The following WWOX variants were observed in gnomAD, a reference collection of about 807,000 sequenced individuals.
WWOX encodes the protein WW domain-containing oxidoreductase.
WWOX carries 69 observed loss-of-function variants against 46.2 expected under a neutral mutation model. The observed-to-expected ratio is 1.49, with a 90% CI of 1.23 to 1.82. The LOEUF is 1.82. Among genes scored for constraint, WWOX ranks in the 40% most tolerant of loss-of-function variants. The pLI is 0.00. For synonymous variants in WWOX, 359 were observed against 202.6 expected, an observed-to-expected ratio of 1.77 and a Z score of -6.56; for missense variants, 919 against 542.6, an observed-to-expected ratio of 1.69 and a Z score of -6.89.
At chr16:78,781,687 A>G (rs1330708643) in intron 8 of WWOX, among the ~76,000 whole-genome samples, 1 of 152,150 alleles carries the variant, frequency 6.6e-6, no homozygotes, top group Non-Finnish European at 1.5e-5. Flanking sequence ...AAGCAAGAGA[A>G]TCGCCTGAAC....
intron 8 of WWOX, among the ~76,000 whole-genome samples, chr16:79,010,096 C>G (rs1268819942): frequency 1.3e-5 from 2 of 152,148 alleles, no homozygotes; most frequent in East Asian, 3.9e-4. Flanking sequence ...CCACCATGTC[C>G]CTCTGTTCCC....
At chr16:78,214,581 C>A (rs534859820) in intron 5 of WWOX, among the ~76,000 whole-genome samples, 1 of 152,288 alleles carries the variant, frequency 6.6e-6, no homozygotes, top group East Asian at 1.9e-4. Flanking sequence ...TCTAATCATG[C>A]CATTTAGCCA....
intron 8 of WWOX, among the ~76,000 whole-genome samples, chr16:78,859,048 A>ATATATATATG (rs1241197814): frequency 2.0e-4 from 5 of 24,918 alleles, no homozygotes; most frequent in African/African-American, 5.3e-4. Context: ...ATATATATAT[A>ATATATATATG]TGTATATATA....
chr16:78,440,120 G>C (rs1472329611), intron 8 of WWOX, among the ~76,000 whole-genome samples: 1 of 152,186 alleles, frequency 6.6e-6, no homozygotes, highest in Non-Finnish European at 1.5e-5. Flanking sequence ...AAAAAGGATA[G>C]GGTAATGGTG....
At chr16:78,833,514 A>G (rs138055302) in intron 8 of WWOX, among the ~76,000 whole-genome samples, 1 of 152,238 alleles carries the variant, frequency 6.6e-6, no homozygotes, top group Non-Finnish European at 1.5e-5. Flanking sequence ...GGGTTACAAT[A>G]CCTACAACGT....
intron 8 of WWOX, among the ~76,000 whole-genome samples, chr16:79,127,281 G>A (rs191087157): frequency 2.7e-4 from 41 of 152,016 alleles, no homozygotes; most frequent in Non-Finnish European, 4.1e-4. Flanking sequence ...CTTCTGAACC[G>A]ATGTTATTTC....
intron 8 of WWOX, among the ~76,000 whole-genome samples, chr16:78,587,003 C>G (rs2045224029): frequency 6.6e-6 from 1 of 152,052 alleles, no homozygotes; most frequent in African/African-American, 2.4e-5. Flanking sequence ...ATGAGGCAAT[C>G]TATTTGATAA....
At chr16:78,115,562 G>A (rs1028854863) in intron 4 of WWOX, among the ~76,000 whole-genome samples, 22 of 152,228 alleles carry the variant, frequency 1.4e-4, no homozygotes, top group African/African-American at 5.3e-4. Flanking sequence ...GGATACTACA[G>A]GTTTCGACTG....
intron 8 of WWOX, among the ~76,000 whole-genome samples, chr16:78,799,555 G>A (rs2216730): frequency 6.6e-6 from 1 of 152,012 alleles, no homozygotes; most frequent in Admixed American, 6.5e-5. Flanking sequence ...GAATCTCTGC[G>A]TATGGAATTG....
chr16:78,793,627 A>T (rs1301331659), intron 8 of WWOX, among the ~76,000 whole-genome samples: 6 of 152,244 alleles, frequency 3.9e-5, no homozygotes, highest in African/African-American at 1.2e-4. Flanking sequence ...CAATGTGCCT[A>T]CATAGCACAC....
chr16:78,550,091 A>G (rs535724145), intron 8 of WWOX, among the ~76,000 whole-genome samples: 2 of 152,348 alleles, frequency 1.3e-5, no homozygotes, highest in East Asian at 3.9e-4. Context: ...TATTTCAAAA[A>G]GAGTGGCTGT....
At chr16:78,974,874 C>T (rs376855637) in intron 8 of WWOX, among the ~76,000 whole-genome samples, 43 of 152,250 alleles carry the variant, frequency 2.8e-4, no homozygotes, top group African/African-American at 8.9e-4. Context: ...ACTGGAGGCC[C>T]GGGGAGACCT....
intron 8 of WWOX, among the ~76,000 whole-genome samples, chr16:78,784,201 C>T (rs1164289607): frequency 1.3e-5 from 2 of 152,112 alleles, no homozygotes; most frequent in Non-Finnish European, 2.9e-5. Context: ...AATCACTCAA[C>T]CCTTGTCATA....
At chr16:78,709,792 G>T (rs565239343) in intron 8 of WWOX, among the ~76,000 whole-genome samples, 144 of 150,356 alleles carry the variant, frequency 9.6e-4, no homozygotes, top group Non-Finnish European at 1.5e-3. Context: ...GCAGTGGTGT[G>T]ATCTCAGCTC....
chr16:78,833,526 CA>C (rs2151160676), intron 8 of WWOX, among the ~76,000 whole-genome samples: 1 of 152,286 alleles, frequency 6.6e-6, no homozygotes, highest in African/African-American at 2.4e-5. Context: ...CTACAACGTG[CA>C]GTGAGGACAC....
chr16:78,189,101 A>G (rs1159050026), intron 5 of WWOX, among the ~76,000 whole-genome samples: 1 of 152,184 alleles, frequency 6.6e-6, no homozygotes, highest in East Asian at 1.9e-4. Flanking sequence ...CGTGCAGCTC[A>G]TCTGGAGGGT....
At chr16:78,621,592 C>CTTTTCTTTTTTTTTTTTTTT (rs2046184654) in intron 8 of WWOX, among the ~76,000 whole-genome samples, 2 of 31,512 alleles carry the variant, frequency 6.3e-5, no homozygotes, top group Non-Finnish European at 1.2e-4. Context: ...TTGTTCTAAT[C>CTTTTCTTTTTTTTTTTTTTT]TTTTTTTTTT....
intron 8 of WWOX, among the ~76,000 whole-genome samples, chr16:78,982,469 A>G (rs2046701512): frequency 6.6e-6 from 1 of 152,232 alleles, no homozygotes; most frequent in Non-Finnish European, 1.5e-5. Flanking sequence ...CCTGGTCTGC[A>G]GACAGACTTG....
chr16:79,085,926 C>T (rs904634096), intron 8 of WWOX, among the ~76,000 whole-genome samples: 6 of 151,964 alleles, frequency 3.9e-5, no homozygotes, highest in African/African-American at 1.2e-4. Flanking sequence ...GTGGTACATG[C>T]CTGTAGTCCC....
Sources: allele counts gnomAD v4.1 joint callset (sites outside exome capture counted in the v4.1 genomes callset), GRCh38; gene constraint gnomAD v4.1.1; transcripts MANE v1.5; gene names NCBI Gene and HGNC (gene_info 2026-07-23, HGNC 2026-07-21).